The following TENM2 variants were observed in gnomAD, a reference collection of about 807,000 sequenced individuals.
The protein encoded by TENM2 is teneurin-2.
TENM2 carries 52 observed loss-of-function variants against 245.2 expected under a neutral mutation model. The ratio of observed to expected loss-of-function variants is 0.21; its 90% confidence interval spans 0.17 to 0.27. The LOEUF (loss-of-function observed/expected upper bound fraction) is 0.27. Ranked by LOEUF, TENM2 falls within the 10% of genes least tolerant of loss-of-function variation. The pLI, the probability that TENM2 is intolerant of heterozygous loss-of-function variation, is 1.00. For synonymous variants in TENM2, 1,363 were observed against 1,438.9 expected (o/e 0.95, Z 1.19); for missense variants, 3,046 against 3,666.8 (o/e 0.83, Z 4.37).
intron 1 of TENM2, among the ~76,000 whole-genome samples, chr5:167,357,426 G>T (rs999987418): frequency 3.3e-4 from 50 of 151,852 alleles, no homozygotes; most frequent in Non-Finnish European, 2.9e-5. Context: ...GGGATTACAG[G>T]CATGTGCCAC....
At chr5:167,633,245 G>A (rs1478141350) in intron 2 of TENM2, among the ~76,000 whole-genome samples, 1 of 152,116 alleles carries the variant, frequency 6.6e-6, no homozygotes, top group Non-Finnish European at 1.5e-5. Flanking sequence ...GTAACTCAGA[G>A]GCACATAGAT....
chr5:167,091,340 G>A, the TENM2 span, among the ~76,000 whole-genome samples: 206 of 152,238 alleles, frequency 1.4e-3, 2 homozygotes, highest in African/African-American at 4.1e-3. Context: ...TACTAAAGCC[G>A]TATCAATTTT....
At chr5:167,646,166 T>TGAAAAACAACAAAA in intron 2 of TENM2, among the ~76,000 whole-genome samples, 1 of 33,070 alleles carries the variant, frequency 3.0e-5, no homozygotes, top group African/African-American at 7.3e-5. Flanking sequence ...CATATATATA[T>TGAAAAACAACAAAA]ATGTTGTTTT....
At chr5:168,029,752 A>G (rs1786946935) in intron 5 of TENM2, among the ~76,000 whole-genome samples, 1 of 152,170 alleles carries the variant, frequency 6.6e-6, no homozygotes, top group South Asian at 2.1e-4. Flanking sequence ...CCGTGCCTAA[A>G]ATTTCCACCT....
intron 25 of TENM2, among the ~76,000 whole-genome samples, chr5:168,232,058 C>T (rs1235855959): frequency 6.6e-6 from 1 of 152,144 alleles, no homozygotes; most frequent in African/African-American, 2.4e-5. Context: ...AGAGCAAGAC[C>T]CTGTCTCAAG....
intron 2 of TENM2, among the ~76,000 whole-genome samples, chr5:167,557,597 T>G (rs1773334875): frequency 6.6e-6 from 1 of 152,214 alleles, no homozygotes; most frequent in Non-Finnish European, 1.5e-5. Flanking sequence ...TGAATACTAC[T>G]GAGGTTATAA....
Position 167,776,037 on chromosome 5 carries a change from A to C in TENM2, c.503-99949A>C, listed in dbSNP as rs554844855. Among the ~76,000 whole-genome samples, 9 of 152,240 alleles carry C rather than the reference A, an allele frequency of 5.9e-5. No individual in the cohort carries two copies. In the South Asian group the frequency reaches 1.9e-3, roughly 32 times the overall value. On this transcript the variant is annotated intron_variant, in intron 2 of 28. Transcript: ENST00000518659. ...ATCTACAATTAAAATAATTTGGAGG[A>C]ATAAATATTTGTGAAGAATATTTAA... is the stretch of plus-strand genomic sequence containing the variant.
intron 2 of TENM2, among the ~76,000 whole-genome samples, chr5:167,743,273 C>G (rs1251711513): frequency 6.6e-6 from 1 of 152,066 alleles, no homozygotes; most frequent in African/African-American, 2.4e-5. Flanking sequence ...GATCAAAAAG[C>G]TTTAAAGCTG....
intron 9 of TENM2, among the ~76,000 whole-genome samples, chr5:168,110,942 T>C (rs961395599): frequency 2.0e-5 from 3 of 152,230 alleles, no homozygotes; most frequent in African/African-American, 7.2e-5. Context: ...AAAAGTCTCT[T>C]GCGATCTTCG....
At chr5:167,845,131 G>T (rs540671310) in intron 2 of TENM2, among the ~76,000 whole-genome samples, 4 of 151,964 alleles carry the variant, frequency 2.6e-5, no homozygotes, top group East Asian at 3.9e-4. Context: ...TTCATTTAGG[G>T]TATAATTTAA....
At chr5:167,708,271 A>G (rs1262374812) in intron 2 of TENM2, among the ~76,000 whole-genome samples, 4 of 152,078 alleles carry the variant, frequency 2.6e-5, no homozygotes, top group East Asian at 1.9e-4. Flanking sequence ...ATGATAGGCT[A>G]TATTATATAT....
chr5:167,106,329 G>A, the TENM2 span, among the ~76,000 whole-genome samples: 2 of 152,162 alleles, frequency 1.3e-5, no homozygotes, highest in Non-Finnish European at 2.9e-5. Context: ...CACTGAATGT[G>A]AGGGACTGTC....
intron 2 of TENM2, among the ~76,000 whole-genome samples, chr5:167,660,831 C>T (rs1231932956): frequency 6.6e-6 from 1 of 152,070 alleles, no homozygotes; most frequent in Non-Finnish European, 1.5e-5. Context: ...TATGTATCAG[C>T]CATATTTATT....
chr5:167,016,919 C>T, the TENM2 span, among the ~76,000 whole-genome samples: 6 of 152,204 alleles, frequency 3.9e-5, no homozygotes, highest in South Asian at 6.2e-4. Flanking sequence ...ATCGAAGAAA[C>T]CTCTAGTAAC....
the TENM2 span, among the ~76,000 whole-genome samples, chr5:167,088,191 A>G: frequency 9.2e-5 from 14 of 152,248 alleles, no homozygotes; most frequent in Admixed American, 4.6e-4. Flanking sequence ...AATTAATTCA[A>G]TCTCATTAGA....
intron 4 of TENM2, among the ~76,000 whole-genome samples, chr5:167,960,359 T>A (rs1364802862): frequency 6.6e-6 from 1 of 152,214 alleles, no homozygotes; most frequent in African/African-American, 2.4e-5. Context: ...AGCCTCTGAC[T>A]GGGTCTGCTG....
intron 4 of TENM2, among the ~76,000 whole-genome samples, chr5:167,979,254 G>C (rs1782658732): frequency 6.6e-6 from 1 of 151,800 alleles, no homozygotes; most frequent in Non-Finnish European, 1.5e-5. Context: ...AGGTGGAGGG[G>C]GATCAACATA....
the TENM2 span, among the ~76,000 whole-genome samples, chr5:167,022,909 C>T: frequency 3.3e-5 from 5 of 152,202 alleles, no homozygotes; most frequent in African/African-American, 1.2e-4. Context: ...CCATGAGCAT[C>T]TTAAATAAAT....
chr5:167,623,744 G>A (rs1166609554), intron 2 of TENM2, among the ~76,000 whole-genome samples: 3 of 152,120 alleles, frequency 2.0e-5, no homozygotes, highest in Non-Finnish European at 4.4e-5. Context: ...GAATACTAGT[G>A]GAGATGCTGA....
Sources: gnomAD v4.1 joint callset for allele counts (sites outside exome capture counted in the v4.1 genomes callset) on GRCh38, gnomAD v4.1.1 for gene constraint, MANE v1.5 for transcripts, NCBI Gene and HGNC (gene_info 2026-07-23, HGNC 2026-07-21) for gene names.